Variants in ZNF419 observed in about 807,000 individuals in gnomAD.
ZNF419 encodes the protein zinc finger protein 419A.
ZNF419 carries 8 observed loss-of-function variants against 14.9 expected under a neutral mutation model. The ratio of observed to expected loss-of-function variants is 0.54; its 90% confidence interval spans 0.32 to 0.97. The LOEUF is 0.97. Among genes scored for constraint, ZNF419 ranks in the 50% least tolerant of loss-of-function variants. The probability of loss-of-function intolerance (pLI) is 0.04; values close to 1 mark genes in which losing one functional copy is unlikely to be tolerated. For missense variants in ZNF419, 595 were observed against 607.2 expected, an observed-to-expected ratio of 0.98 and a Z score of 0.21; for synonymous variants, 211 against 205.3, an observed-to-expected ratio of 1.03 and a Z score of -0.24.
intron 2 of ZNF419, 32 bp from the exon 3 acceptor site, chr19:57,491,439 G>T (rs762008661): frequency 6.2e-7 from 1 of 1,609,348 alleles, no homozygotes; most frequent in Non-Finnish European, 8.5e-7. Context: ...TAAGGAGGCT[G>T]CAGATAAACT....
rs1459607107 is a variant in ZNF419 at position 57,490,202 on chromosome 19, T to C, written c.72+17T>C. On this transcript the variant is annotated intron_variant, in intron 2 of 4. Transcript: ENST00000221735. Reference sequence around the variant, plus strand: ...CATGAGGAGGTAAGTGGAGGATGTCTCAGGTCCTCACACTCCTGCACTCCT... The same window carrying C: ...CATGAGGAGGTAAGTGGAGGATGTCCCAGGTCCTCACACTCCTGCACTCCT... The C allele has an allele frequency of 6.2e-6, 10 of 1,612,128 alleles. No homozygotes were observed. The Admixed American group carries it at 1.7e-4, about 27-fold the overall frequency.
At position 57,494,085 on chromosome 19, in the gene ZNF419, C is replaced by A. The variant is rs762153568; in HGVS notation, c.1528C>A (p.Gln510Lys). The A allele has an allele frequency of 5.7e-6, 9 of 1,592,614 alleles. No homozygotes were observed. The East Asian group carries it at 1.6e-4, about 28-fold the overall frequency. ...TCGAAGGATTCACACTGGAGAAATGCAGTGATTGTGTGAAATCCTTTAGCC... is the reference window on the plus strand; with the variant it reads ...TCGAAGGATTCACACTGGAGAAATGAAGTGATTGTGTGAAATCCTTTAGCC... ...KHRRIHTGEM[Q>K] The change falls in exon 5 of 5, where the codon CAG (glutamine) becomes AAG (lysine). Residue 510 changes from glutamine to lysine, a missense_variant. Physicochemically the swap from Gln to Lys is moderately conservative, Grantham distance 53. Coordinates refer to ENST00000221735, the MANE Select transcript of ZNF419 (RefSeq NM_024691.4).
Position 57,487,766 on chromosome 19 carries a change from A to T in ZNF419, c.-185A>T. The T allele has an allele frequency of 1.3e-6, 1 of 758,536 alleles. No individual in the cohort carries two copies. The highest frequency in any genetic ancestry group is 2.2e-6 in the Non-Finnish European group (1 of 461,606). The allele number at this position is 758,536 out of a possible 1,614,324, so 47.0% of individuals were successfully genotyped here. ...GTCTCGTTTGGTATTCACTTTCGCG[A>T]CTCAGGTGAACTAACCTGCGAGAAG... On this transcript the variant is annotated 5_prime_UTR_variant, in exon 1 of 5. Transcript: ENST00000221735.
At chr19:57,492,369 A>G (rs771201269) in intron 4 of ZNF419, 158 bp downstream of exon 4, 6 of 896,750 alleles carry the variant, frequency 6.7e-6, no homozygotes, top group Middle Eastern at 2.1e-4. Flanking sequence ...TGTTTGACCT[A>G]GGGCCATTCC....
chr19:57,495,632 A>C lies in ZNF419; in HGVS notation c.*1542A>C, dbSNP rs1349008452. 4 of 148,438 alleles carry C rather than the reference A, an allele frequency of 2.7e-5. No homozygotes were observed. The highest frequency in any genetic ancestry group is 4.5e-5 in the Non-Finnish European group (3 of 67,282). The allele number at this position is 148,438 out of a possible 1,614,324, so 9.2% of individuals were successfully genotyped here. A position where few individuals can be genotyped will look rare whatever the true frequency, so the allele number is the denominator to read the frequency against. On this transcript the variant is annotated 3_prime_UTR_variant, in exon 5 of 5. Transcript: ENST00000221735. Reference sequence around the variant, plus strand: ...TTCCAGCTATCCTGGAGGCTGAGGCAGGAGAATGGTGTGAGCCCGGGAGGC... The same window carrying C: ...TTCCAGCTATCCTGGAGGCTGAGGCCGGAGAATGGTGTGAGCCCGGGAGGC...
rs201370124 is a variant in ZNF419 at position 57,494,038 on chromosome 19, A to T, written c.1481A>T (p.His494Leu). The T allele has an allele frequency of 9.2e-5, 148 of 1,613,074 alleles. 1 individual carries two copies. The African/African-American group carries it at 1.8e-3, about 19-fold the overall frequency. Residue 494 changes from histidine (H) to leucine (L), a missense_variant, in exon 5 of 5, where the codon CAC (histidine) becomes CTC (leucine). His to Leu is a moderately conservative substitution (Grantham distance 99). Coordinates refer to ENST00000221735, the MANE Select transcript of ZNF419 (RefSeq NM_024691.4). Reference protein sequence around the residue: ...ECRECGKFFRHNSSLFKHRRI... With the variant: ...ECRECGKFFRLNSSLFKHRRI... ...AGGGAATGTGGGAAGTTTTTTCGCC[A>T]CAACTCCAGTCTTTTTAAACATCGA...
At position 57,493,249 on chromosome 19, in the gene ZNF419, A is replaced by G; in HGVS notation, c.692A>G (p.Tyr231Cys). The G allele has an allele frequency of 6.2e-7, 1 of 1,614,270 alleles. No individual in the cohort carries two copies. The highest frequency in any genetic ancestry group is 8.5e-7 in the Non-Finnish European group (1 of 1,180,052). Residue 231 changes from tyrosine to cysteine, a missense_variant, in exon 5 of 5, where the codon TAT becomes TGT. Coordinates refer to ENST00000221735, the MANE Select transcript of ZNF419 (RefSeq NM_024691.4). ...HQRLHAGKKT[Y>C]ECSECGKLFR... ...AGACTACATGCTGGGAAAAAGACGT[A>G]TGAATGCAGTGAATGTGGGAAGTTA...
rs781644492 is a variant in ZNF419, at chr19:57,494,048, T to G, written c.1491T>G (p.Ser497Arg). The G allele has an allele frequency of 2.0e-5, 32 of 1,612,018 alleles. No homozygotes were observed. The highest frequency in any genetic ancestry group is 2.7e-5 in the Non-Finnish European group (32 of 1,179,306). ...GGAAGTTTTTTCGCCACAACTCCAG[T>G]CTTTTTAAACATCGAAGGATTCACA... ...ECGKFFRHNS[S>R]LFKHRRIHTG... Residue 497 changes from serine to arginine, a missense_variant, in exon 5 of 5, where the codon AGT (serine) becomes AGG (arginine). By Grantham distance (110) the Ser-to-Arg change is moderately radical. Coordinates refer to ENST00000221735, the MANE Select transcript of ZNF419 (RefSeq NM_024691.4).
At position 57,487,918 on chromosome 19, in the gene ZNF419, T is replaced by C; in HGVS notation, c.-33T>C. The C allele has an allele frequency of 3.1e-6, 5 of 1,613,716 alleles. No homozygotes were observed. The highest frequency in any genetic ancestry group is 1.1e-5 in the South Asian group (1 of 91,042). On this transcript the variant is annotated 5_prime_UTR_variant, in exon 1 of 5. Coordinates refer to ENST00000221735, the MANE Select transcript of ZNF419 (RefSeq NM_024691.4). Reference sequence around the variant, plus strand: ...GTGGCCCGGGCCCTTTCCTCGGTCATTGTCTCCCCTCCAGCTCTACTCACA... The same window carrying C: ...GTGGCCCGGGCCCTTTCCTCGGTCACTGTCTCCCCTCCAGCTCTACTCACA...
In ZNF419 at chr19:57,492,910, G is replaced by T. The variant is rs772711947; in HGVS notation, c.353G>T (p.Gly118Val). Residue 118 changes from glycine (G) to valine (V), a missense_variant, in exon 5 of 5, where the codon GGA becomes GTA. Physicochemically the swap from Gly to Val is moderately radical, Grantham distance 109 (BLOSUM62 -3). Coordinates refer to ENST00000221735, the MANE Select transcript of ZNF419 (RefSeq NM_024691.4). ...GCTCCTGAGCAGATTGCTTCTGTAG[G>T]ACTGCTCAGTTCAAACATTCAGCAA... is the stretch of plus-strand genomic sequence containing the variant. ...EEAPEQIASV[G>V]LLSSNIQQHQ... The T allele has an allele frequency of 4.3e-6, 7 of 1,614,196 alleles. No individual in the cohort carries two copies. The South Asian group carries it at 7.7e-5, about 18-fold the overall frequency.
chr19:57,496,092 A>T lies in ZNF419; in HGVS notation c.*2002A>T, dbSNP rs886162486. The T allele has an allele frequency of 1.3e-5, 2 of 152,248 alleles. No homozygotes were observed. The highest frequency in any genetic ancestry group is 2.9e-5 in the Non-Finnish European group (2 of 68,048). The allele number at this position is 152,248 out of a possible 1,614,324, so 9.4% of individuals were successfully genotyped here. A position where few individuals can be genotyped will look rare whatever the true frequency, so the allele number is the denominator to read the frequency against. On this transcript the variant is annotated 3_prime_UTR_variant, in exon 5 of 5. Coordinates refer to ENST00000221735, the MANE Select transcript of ZNF419 (RefSeq NM_024691.4). ...AAAATAAATAAATGTTCACAGAATA[A>T]TGTTGACATATTAGCTTTTTATTGC...
At chr19:57,488,078 G>C in intron 1 of ZNF419, 95 bp downstream of exon 1, 1 of 1,559,484 alleles carries the variant, frequency 6.4e-7, no homozygotes, top group Non-Finnish European at 8.7e-7. Flanking sequence ...GGGCGTTCGT[G>C]CGCGGCGTCC....
Position 57,493,823 on chromosome 19 carries a change from T to C in ZNF419, c.1266T>C (p.Thr422=). Residue 422 remains threonine (T), a synonymous_variant, in exon 5 of 5, where the codon ACT becomes ACC. Coordinates refer to ENST00000221735, the MANE Select transcript of ZNF419 (RefSeq NM_024691.4). ...TAGTTAGACATCAGAGGGTTCACAC[T>C]GGAGCAAAGCCTTATGAGTGCAGGG... ...STLVRHQRVH[T]GAKPYECREC... 6.2e-7 allele frequency: 1 copy of C among 1,614,094 alleles called. No homozygotes were observed. The highest frequency in any genetic ancestry group is 1.3e-5 in the African/African-American group (1 of 75,060).
Position 57,493,643 on chromosome 19 carries a change from G to A in ZNF419, c.1086G>A (p.Trp362Ter). ...YSHKSNLIKH[W>*]RVHTGERPYK... ...ACAAGTCCAACCTTATCAAACATTG[G>A]CGTGTTCATACTGGAGAAAGGCCTT... The change falls in exon 5 of 5, where the codon TGG (tryptophan) becomes TGA (stop). Residue 362 changes from tryptophan (W) to a stop codon, truncating the protein, a stop_gained. Transcript: ENST00000221735. LOFTEE classifies it low-confidence loss of function (END_TRUNC). 1 of 1,613,948 alleles carries A rather than the reference G, an allele frequency of 6.2e-7. No individual in the cohort carries two copies. The highest frequency in any genetic ancestry group is 1.1e-5 in the South Asian group (1 of 91,072).
Position 57,490,189 on chromosome 19 carries a change from A to G in ZNF419, c.72+4A>G. 1 of 1,613,426 alleles carries G rather than the reference A, an allele frequency of 6.2e-7. No individual in the cohort carries two copies. ...CTTGCTTACAGACCATGAGGAGGTA[A>G]GTGGAGGATGTCTCAGGTCCTCACA... On this transcript the variant is annotated splice_donor_region_variant and intron_variant, in intron 2 of 4. Coordinates refer to ENST00000221735, the MANE Select transcript of ZNF419 (RefSeq NM_024691.4).
intron 2 of ZNF419, chr19:57,490,798 G>T (rs1187703245): frequency 1.3e-5 from 2 of 155,246 alleles, no homozygotes; most frequent in Non-Finnish European, 2.9e-5. Flanking sequence ...ATGTCTGGGG[G>T]AAGCATCAGC....
At chr19:57,491,808 G>C (rs1209348470) in intron 3 of ZNF419, 2 of 771,072 alleles carry the variant, frequency 2.6e-6, no homozygotes, top group Admixed American at 2.1e-5. Flanking sequence ...AGGGTTTGGG[G>C]GTCAGGAGTC....
At position 57,493,008 on chromosome 19, in the gene ZNF419, A is replaced by G. The variant is rs945455169; in HGVS notation, c.451A>G (p.Lys151Glu). ...EGRVPVLRSC[K>E]VHLSEKSLQS... ...CAGGGTCCCAGTTTTGAGGAGTTGC[A>G]AAGTTCACCTATCAGAGAAGTCCTT... The change falls in exon 5 of 5, where the codon AAA becomes GAA. Residue 151 changes from lysine (K) to glutamate (E), a missense_variant. Coordinates refer to ENST00000221735, the MANE Select transcript of ZNF419 (RefSeq NM_024691.4). 4 of 1,614,036 alleles carry G rather than the reference A, an allele frequency of 2.5e-6. No homozygotes were observed. Among genetic ancestry groups the G allele is most frequent in the Admixed American group, 3.3e-5 (2 of 59,994 alleles).
chr19:57,494,188 C>T lies in ZNF419; in HGVS notation c.*98C>T. Reference sequence around the variant, plus strand: ...AGGTAACAGATGGAAATCCGTTAGCCACACCTCCAGTCTCATTCAACACTG... The same window carrying T: ...AGGTAACAGATGGAAATCCGTTAGCTACACCTCCAGTCTCATTCAACACTG... On this transcript the variant is annotated 3_prime_UTR_variant, in exon 5 of 5. Transcript: ENST00000221735. 1 of 1,479,998 alleles carries T rather than the reference C, an allele frequency of 6.8e-7. No homozygotes were observed. The highest frequency in any genetic ancestry group is 9.1e-7 in the Non-Finnish European group (1 of 1,104,308). The allele number at this position is 1,479,998 out of a possible 1,614,324, so 91.7% of individuals were successfully genotyped here. A position where few individuals can be genotyped will look rare whatever the true frequency, so the allele number is the denominator to read the frequency against.
Sources: gnomAD v4.1 joint callset for allele counts on GRCh38, gnomAD v4.1.1 for gene constraint, MANE v1.5 for transcripts, NCBI Gene and HGNC (gene_info 2026-07-23, HGNC 2026-07-21) for gene names.